Variants in RGS7 observed in about 807,000 individuals in gnomAD.
RGS7 encodes regulator of G-protein signaling 7.
Under a neutral mutation model 81.1 loss-of-function variants are expected in RGS7, and 27 were observed. The ratio of observed to expected loss-of-function variants is 0.33; its 90% CI spans 0.25 to 0.46. RGS7 has a LOEUF of 0.46. Among genes scored for constraint, RGS7 ranks in the 20% least tolerant of loss-of-function variants. The pLI, the probability that RGS7 is intolerant of heterozygous loss-of-function variation, is 1.00. For synonymous variants in RGS7, 208 were observed against 207.7 expected (o/e 1.00, Z -0.01); for missense variants, 396 against 607.4 (o/e 0.65, Z 3.66).
In RGS7 at chr1:240,802,898, C is replaced by A. The variant is rs201642850; in HGVS notation, c.1359+6G>T. On this transcript the variant is annotated splice_donor_region_variant and intron_variant, in intron 16 of 18. Transcript: ENST00000440928. ...CAAGAAAAAACAACTCACAAAAAAC[C>A]AGTACCTTTTTCTTTGCCTGTAGAA... 179 of 1,588,400 alleles carry A rather than the reference C, an allele frequency of 1.1e-4. No individual in the cohort carries two copies. The East Asian group carries it at 3.7e-3, about 33-fold the overall frequency.
At chr1:240,933,604 A>G (rs980955918) in intron 5 of RGS7, among the ~76,000 whole-genome samples, 4 of 151,370 alleles carry the variant, frequency 2.6e-5, no homozygotes, top group African/African-American at 4.8e-5. Flanking sequence ...ATTTAAATAC[A>G]TACTTTCATA....
intron 2 of RGS7, among the ~76,000 whole-genome samples, chr1:241,151,961 C>T (rs1358899446): frequency 6.6e-6 from 1 of 152,136 alleles, no homozygotes; most frequent in Non-Finnish European, 1.5e-5. Context: ...ACTGAGCCAC[C>T]TTGGCAAACT....
intron 2 of RGS7, among the ~76,000 whole-genome samples, chr1:241,178,764 C>T (rs1295045872): frequency 2.6e-5 from 4 of 152,088 alleles, no homozygotes; most frequent in African/African-American, 9.7e-5. Context: ...TGATACGATA[C>T]CAGAATGCAG....
At chr1:241,156,452 G>C (rs1346853979) in intron 2 of RGS7, among the ~76,000 whole-genome samples, 3 of 151,802 alleles carry the variant, frequency 2.0e-5, no homozygotes, top group African/African-American at 4.8e-5. Context: ...GCTGCAGTGA[G>C]CCATGATTGT....
chr1:240,863,491 T>C (rs372289584), intron 9 of RGS7, among the ~76,000 whole-genome samples: 1 of 152,182 alleles, frequency 6.6e-6, no homozygotes, highest in African/African-American at 2.4e-5. Context: ...CATAAATAAA[T>C]AAAAATAAAA....
At chr1:241,330,989 C>A (rs1425658824) in intron 2 of RGS7, among the ~76,000 whole-genome samples, 1 of 152,152 alleles carries the variant, frequency 6.6e-6, no homozygotes, top group Non-Finnish European at 1.5e-5. Context: ...TCCATTAGTA[C>A]ATCTCTATTT....
chr1:240,993,202 A>G (rs1228554404), intron 3 of RGS7, among the ~76,000 whole-genome samples: 2 of 150,956 alleles, frequency 1.3e-5, no homozygotes, highest in South Asian at 2.1e-4. Context: ...AGAGGAAAGA[A>G]GGAGAGAAAA....
chr1:240,859,096 A>T (rs1210720437), intron 9 of RGS7, among the ~76,000 whole-genome samples: 1 of 152,212 alleles, frequency 6.6e-6, no homozygotes, highest in Non-Finnish European at 1.5e-5. Flanking sequence ...TTCATCAGTG[A>T]ACCCATCTGG....
chr1:241,294,546 C>T (rs1273704942), intron 2 of RGS7, among the ~76,000 whole-genome samples: 7 of 152,236 alleles, frequency 4.6e-5, no homozygotes, highest in South Asian at 2.1e-4. Flanking sequence ...AATTTAGTAT[C>T]GCCTAAGTGC....
intron 10 of RGS7, among the ~76,000 whole-genome samples, chr1:240,825,776 G>A (rs560908043): frequency 1.3e-4 from 20 of 152,302 alleles, no homozygotes; most frequent in African/African-American, 4.8e-4. Context: ...GGTGCCATGT[G>A]AAACACGAGA....
chr1:240,913,669 C>A (rs1672120842), intron 6 of RGS7, among the ~76,000 whole-genome samples: 1 of 151,960 alleles, frequency 6.6e-6, no homozygotes, highest in Admixed American at 6.6e-5. Context: ...ATATGAAAGT[C>A]CATCACTTCC....
intron 2 of RGS7, among the ~76,000 whole-genome samples, chr1:241,199,463 A>G (rs910120471): frequency 1.3e-5 from 2 of 152,158 alleles, no homozygotes; most frequent in African/African-American, 4.8e-5. Context: ...AGTATCTAGA[A>G]ATAACTTCCA....
chr1:241,083,122 G>A (rs550889584), intron 3 of RGS7, among the ~76,000 whole-genome samples: 5 of 151,742 alleles, frequency 3.3e-5, no homozygotes, highest in African/African-American at 1.2e-4. Context: ...CTATTTGGGA[G>A]GCTGAGGCAG....
chr1:241,303,523 C>T (rs915201699), intron 2 of RGS7, among the ~76,000 whole-genome samples: 11 of 152,290 alleles, frequency 7.2e-5, no homozygotes, highest in South Asian at 2.1e-4. Flanking sequence ...CTGACTCACA[C>T]GTAGAAGATT....
intron 2 of RGS7, among the ~76,000 whole-genome samples, chr1:241,176,687 C>T (rs2071172713): frequency 6.6e-6 from 1 of 152,102 alleles, no homozygotes; most frequent in Non-Finnish European, 1.5e-5. Context: ...ACCCCCATTA[C>T]AGGAAATGGT....
chr1:241,317,014 A>C (rs1444368615), intron 2 of RGS7, among the ~76,000 whole-genome samples: 1 of 152,236 alleles, frequency 6.6e-6, no homozygotes, highest in Non-Finnish European at 1.5e-5. Flanking sequence ...CACTTTCTGA[A>C]GTCTTGACAG....
chr1:241,024,871 G>A (rs1372195185), intron 3 of RGS7, among the ~76,000 whole-genome samples: 2 of 74,648 alleles, frequency 2.7e-5, no homozygotes, highest in African/African-American at 8.3e-5. Flanking sequence ...TATCAAGAAC[G>A]AGAGTAAGTC....
intron 3 of RGS7, among the ~76,000 whole-genome samples, chr1:240,986,120 C>G (rs1317080580): frequency 6.6e-6 from 1 of 152,044 alleles, no homozygotes; most frequent in Non-Finnish European, 1.5e-5. Flanking sequence ...TTCACTGTAG[C>G]CTATGGAAAG....
At chr1:241,233,183 G>A (rs934768325) in intron 2 of RGS7, among the ~76,000 whole-genome samples, 59 of 152,050 alleles carry the variant, frequency 3.9e-4, no homozygotes, top group African/African-American at 1.3e-3. Flanking sequence ...TCAAATCAAG[G>A]TAACTTGGAT....
Sources: allele counts gnomAD v4.1 joint callset (sites outside exome capture counted in the v4.1 genomes callset), GRCh38; gene constraint gnomAD v4.1.1; transcripts MANE v1.5; gene names NCBI Gene and HGNC (gene_info 2026-07-23, HGNC 2026-07-21).